The following ZNF451 variants were observed in gnomAD, a reference collection of about 807,000 sequenced individuals.
ZNF451 encodes the protein zinc finger protein 451.
Under a neutral mutation model 107.1 loss-of-function variants are expected in ZNF451, and 80 were observed. The observed-to-expected ratio is 0.75, with a 90% confidence interval of 0.62 to 0.90. The LOEUF (loss-of-function observed/expected upper bound fraction) is 0.90. Ranked by LOEUF, ZNF451 falls within the 40% of genes least tolerant of loss-of-function variation. The pLI is 0.00. For missense variants in ZNF451, 1,107 were observed against 1,236.2 expected, an observed-to-expected ratio of 0.90 and a Z score of 1.57; for synonymous variants, 362 against 406.5, an observed-to-expected ratio of 0.89 and a Z score of 1.32.
intron 5 of ZNF451, among the ~76,000 whole-genome samples, chr6:57,131,983 A>G (rs563068967): frequency 2.6e-5 from 4 of 152,298 alleles, no homozygotes; most frequent in African/African-American, 9.6e-5. Context: ...ATTCATCTAC[A>G]AGTTGTGTGA....
intron 3 of ZNF451, chr6:57,099,359 C>A (rs1829477002): frequency 1.5e-6 from 1 of 662,346 alleles, no homozygotes; most frequent in East Asian, 2.7e-5. Context: ...GATAATATGA[C>A]TCTGGGAAAT....
At chr6:57,093,336 A>G (rs1829138523) in intron 2 of ZNF451, among the ~76,000 whole-genome samples, 1 of 152,220 alleles carries the variant, frequency 6.6e-6, no homozygotes, top group Non-Finnish European at 1.5e-5. Context: ...ATAATTTCCT[A>G]AATAGCTTCA....
At chr6:57,100,052 A>G (rs1829519768) in intron 3 of ZNF451, among the ~76,000 whole-genome samples, 1 of 152,218 alleles carries the variant, frequency 6.6e-6, no homozygotes, top group Admixed American at 6.5e-5. Flanking sequence ...AACTTCTTAT[A>G]ACTACAAACC....
rs1286667347 is a variant in ZNF451 at position 57,153,906 on chromosome 6, A to C, written c.2929A>C (p.Ile977Leu). The change falls in exon 13 of 15, where the codon ATC becomes CTC. Residue 977 changes from isoleucine to leucine, a missense_variant. This residue lies in a region of ZNF451 where 151 missense variants were observed against 173.3 expected (regional missense o/e 0.87). Transcript: ENST00000370706. ...EQLPKQIPFTILSGDQGFLEL... is the reference protein window; with the variant it reads ...EQLPKQIPFTLLSGDQGFLEL... ...ACTACCCAAGCAAATTCCTTTCACCATCCTCTCAGGAGATCAAGGTTTTCT... is the reference window on the plus strand; with the variant it reads ...ACTACCCAAGCAAATTCCTTTCACCCTCCTCTCAGGAGATCAAGGTTTTCT... The C allele has an allele frequency of 1.2e-6, 2 of 1,614,068 alleles. No homozygotes were observed. Among genetic ancestry groups the C allele is most frequent in the African/African-American group, 2.7e-5 (2 of 74,926 alleles).
At chr6:57,095,814 TTTG>T (rs936673400) in intron 2 of ZNF451, among the ~76,000 whole-genome samples, 146 of 148,136 alleles carry the variant, frequency 9.9e-4, no homozygotes, top group African/African-American at 3.3e-3. Flanking sequence ...GCTTTTTTTT[TTTG>T]TTGTTGTTGT....
intron 3 of ZNF451, among the ~76,000 whole-genome samples, chr6:57,114,108 G>A (rs952603663): frequency 1.3e-5 from 2 of 152,104 alleles, no homozygotes; most frequent in South Asian, 2.1e-4. Flanking sequence ...TAGAAATTTA[G>A]CTTCTACTAA....
At chr6:57,120,155 A>AT in intron 3 of ZNF451, among the ~76,000 whole-genome samples, 1 of 152,286 alleles carries the variant, frequency 6.6e-6, no homozygotes, top group Non-Finnish European at 1.5e-5. Flanking sequence ...CCAGAATGTG[A>AT]TATGTGGCCA....
intron 7 of ZNF451, among the ~76,000 whole-genome samples, chr6:57,137,798 T>A (rs1226618757): frequency 1.3e-5 from 2 of 152,220 alleles, no homozygotes; most frequent in Non-Finnish European, 1.5e-5. Context: ...AGCTACTTTG[T>A]GTCTCCATGG....
At chr6:57,106,245 G>A in intron 3 of ZNF451, 1 of 984,796 alleles carries the variant, frequency 1.0e-6, no homozygotes, top group Non-Finnish European at 1.2e-6. Flanking sequence ...GGATTCTGAT[G>A]AAGGTTTGAA....
intron 3 of ZNF451, among the ~76,000 whole-genome samples, chr6:57,110,325 G>T (rs1830053008): frequency 6.6e-6 from 1 of 152,214 alleles, no homozygotes; most frequent in Admixed American, 6.5e-5. Flanking sequence ...TGCTAAGTTT[G>T]TACAGCCATT....
chr6:57,159,378 A>G (rs757878135), intron 13 of ZNF451: 9 of 985,410 alleles, frequency 9.1e-6, no homozygotes, highest in Non-Finnish European at 9.6e-6. Context: ...TTAAATTGTA[A>G]TAACAGAAAG....
At chr6:57,159,892 G>A (rs1206050830) in intron 13 of ZNF451, among the ~76,000 whole-genome samples, 3 of 152,012 alleles carry the variant, frequency 2.0e-5, no homozygotes, top group East Asian at 1.9e-4. Context: ...AAACAAATAT[G>A]TCTATATGAT....
At chr6:57,110,695 T>G (rs887598587) in intron 3 of ZNF451, among the ~76,000 whole-genome samples, 3 of 152,154 alleles carry the variant, frequency 2.0e-5, no homozygotes, top group African/African-American at 7.2e-5. Flanking sequence ...ATAAAGTTAC[T>G]TATAAAAATA....
chr6:57,109,844 A>G (rs905545850), intron 3 of ZNF451: 12 of 501,424 alleles, frequency 2.4e-5, no homozygotes, highest in African/African-American at 4.2e-5. Flanking sequence ...GTTATTTCAT[A>G]TCTGTGTTGA....
At chr6:57,127,001 GT>G (rs1292072276) in intron 4 of ZNF451, among the ~76,000 whole-genome samples, 2 of 152,094 alleles carry the variant, frequency 1.3e-5, no homozygotes, top group East Asian at 3.9e-4. Context: ...TAATTGAAGG[GT>G]TTTTATTGTA....
chr6:57,143,507 GT>G (rs1165672452), intron 9 of ZNF451, among the ~76,000 whole-genome samples: 2 of 152,140 alleles, frequency 1.3e-5, no homozygotes, highest in African/African-American at 4.8e-5. Flanking sequence ...AAAGGTAGAA[GT>G]TTAGATTGAC....
chr6:57,129,794 C>T (rs888565890), intron 5 of ZNF451, among the ~76,000 whole-genome samples: 1 of 152,122 alleles, frequency 6.6e-6, no homozygotes. Flanking sequence ...CCCCTCCTGC[C>T]CCCAAAAACC....
In ZNF451 at chr6:57,151,012, C is replaced by T. The variant is rs117880764; in HGVS notation, c.2752+150C>T. 8.7e-4 allele frequency: 832 copies of T among 953,614 alleles called. 11 individuals carry two copies. In the East Asian group the frequency reaches 0.018, roughly 21 times the overall value. The allele number at this position is 953,614 out of a possible 1,614,324, so 59.1% of individuals were successfully genotyped here. ...TGTATTATAGTTACTCTGCTAGAAT[C>T]GTTTTCTTTACATGCCTCTGTGGTA... On this transcript the variant is annotated intron_variant, in intron 11 of 14. Coordinates refer to ENST00000370706, the MANE Select transcript of ZNF451 (RefSeq NM_001031623.3).
intron 12 of ZNF451, among the ~76,000 whole-genome samples, chr6:57,152,780 G>A (rs935204197): frequency 2.0e-5 from 3 of 152,066 alleles, no homozygotes; most frequent in Non-Finnish European, 4.4e-5. Context: ...TTTTAGTAGA[G>A]ACGGGGTTTC....
Sources: gnomAD v4.1 joint callset for allele counts (sites outside exome capture counted in the v4.1 genomes callset) on GRCh38, gnomAD v4.1.1 for gene constraint, gnomAD v4.1.1 regional missense constraint, MANE v1.5 for transcripts, NCBI Gene and HGNC (gene_info 2026-07-23, HGNC 2026-07-21) for gene names.